The following ARHGAP5 variants were observed in gnomAD, a reference collection of about 807,000 sequenced individuals.
The protein encoded by ARHGAP5 is Rho GTPase activating protein 5, also known as rho GTPase-activating protein 5.
A neutral mutation model predicts 116.6 loss-of-function variants in ARHGAP5; 23 were observed. That is an observed-to-expected ratio of 0.20 (90% CI 0.14 to 0.28). The LOEUF (loss-of-function observed/expected upper bound fraction) is 0.28. Among genes scored for constraint, ARHGAP5 ranks in the 10% least tolerant of loss-of-function variants. The pLI, the probability that ARHGAP5 is intolerant of heterozygous loss-of-function variation, is 1.00. For synonymous variants in ARHGAP5, 574 were observed against 602.0 expected (o/e 0.95, Z 0.68); for missense variants, 1,405 against 1,774.8 (o/e 0.79, Z 3.74).
chr14:32,085,558 AGTT>A (rs1264009856), intron 1 of ARHGAP5, among the ~76,000 whole-genome samples: 3 of 152,162 alleles, frequency 2.0e-5, no homozygotes, highest in Non-Finnish European at 4.4e-5. Context: ...TTTAGTGTGC[AGTT>A]GTTTTTTTAT....
At chr14:32,106,536 A>G (rs1409202633) in intron 2 of ARHGAP5, among the ~76,000 whole-genome samples, 1 of 151,872 alleles carries the variant, frequency 6.6e-6, no homozygotes, top group East Asian at 1.9e-4. Flanking sequence ...TCCATTCACC[A>G]TTTTTTTCAA....
chr14:32,102,836 A>G (rs1383840021), intron 2 of ARHGAP5, among the ~76,000 whole-genome samples: 1 of 152,236 alleles, frequency 6.6e-6, no homozygotes, highest in Admixed American at 6.5e-5. Context: ...CATTTTATTC[A>G]ACAAGCATTT....
chr14:32,093,666 G>T lies in ARHGAP5; in HGVS notation c.2997G>T (p.Gln999His). ...ATAGTCCAATTGGGGATGATGTACA[G>T]TTGCTTCCAACACCTAGTGACCGTT... ...PPYSPIGDDV[Q>H]LLPTPSDRSR... The change falls in exon 2 of 7, where the codon CAG becomes CAT. Residue 999 changes from glutamine to histidine, a missense_variant. By Grantham distance (24) the Gln-to-His change is conservative. Coordinates refer to ENST00000345122, the MANE Select transcript of ARHGAP5 (RefSeq NM_001030055.2). 1 of 1,613,980 alleles carries T rather than the reference G, an allele frequency of 6.2e-7. No individual in the cohort carries two copies. Among genetic ancestry groups the T allele is most frequent in the Non-Finnish European group, 8.5e-7 (1 of 1,179,932 alleles).
At position 32,077,380 on chromosome 14, in the gene ARHGAP5, G is replaced by T. The variant is rs1158038313; in HGVS notation, c.-224G>T. On this transcript the variant is annotated 5_prime_UTR_variant, in exon 1 of 7. Transcript: ENST00000345122. ...GGTCCCCAGGAATGTCGCTGCCGCC[G>T]CCACCGCCGGGGCCGCTGCCGTTGA... The T allele has an allele frequency of 1.6e-6, 1 of 641,976 alleles. No homozygotes were observed. Among genetic ancestry groups the T allele is most frequent in the South Asian group, 1.5e-5 (1 of 66,760 alleles). The allele number at this position is 641,976 out of a possible 1,614,324, so 39.8% of individuals were successfully genotyped here.
At chr14:32,130,447 C>T (rs1880421431) in intron 3 of ARHGAP5, among the ~76,000 whole-genome samples, 1 of 151,372 alleles carries the variant, frequency 6.6e-6, no homozygotes, top group Admixed American at 6.6e-5. Context: ...GTCTGGAACT[C>T]CTGACCTCCA....
intron 3 of ARHGAP5, among the ~76,000 whole-genome samples, chr14:32,126,260 A>G (rs1880148788): frequency 6.6e-6 from 1 of 151,926 alleles, no homozygotes; most frequent in Admixed American, 6.6e-5. Context: ...ATGGAGTCTC[A>G]CAGTTCTGAA....
chr14:32,102,749 C>T (rs1878847687), intron 2 of ARHGAP5, among the ~76,000 whole-genome samples: 2 of 152,166 alleles, frequency 1.3e-5, no homozygotes, highest in South Asian at 2.1e-4. Flanking sequence ...TTGAAGTCAG[C>T]ATAAATGTAT....
intron 3 of ARHGAP5, among the ~76,000 whole-genome samples, chr14:32,139,588 T>C (rs1191637861): frequency 1.3e-5 from 2 of 152,058 alleles, no homozygotes; most frequent in East Asian, 3.8e-4. Flanking sequence ...AATTGGAGTC[T>C]TCTCTTTTTT....
chr14:32,089,890 G>A (rs2041867378), intron 1 of ARHGAP5, among the ~76,000 whole-genome samples: 1 of 151,822 alleles, frequency 6.6e-6, no homozygotes, highest in Non-Finnish European at 1.5e-5. Flanking sequence ...TTTGTATTAA[G>A]TGTTCACTTA....
At chr14:32,148,194 CTATCTATCTATCTATCTATG>C (rs1205525412) in intron 4 of ARHGAP5, among the ~76,000 whole-genome samples, 34 of 151,868 alleles carry the variant, frequency 2.2e-4, no homozygotes, top group African/African-American at 7.5e-4. Flanking sequence ...ATCTATCTAT[CTATCTATCTATCTATCTATG>C]TATATCTATC....
intron 3 of ARHGAP5, among the ~76,000 whole-genome samples, chr14:32,119,178 C>A (rs185539347): frequency 6.6e-6 from 1 of 151,932 alleles, no homozygotes; most frequent in Non-Finnish European, 1.5e-5. Context: ...TAATTGCCTA[C>A]GAGATTGTTT....
intron 3 of ARHGAP5, among the ~76,000 whole-genome samples, chr14:32,139,435 G>C (rs901812127): frequency 6.6e-6 from 1 of 151,728 alleles, no homozygotes; most frequent in African/African-American, 2.4e-5. Flanking sequence ...AATCAGTTTT[G>C]GTAGTTGGTA....
In ARHGAP5 at chr14:32,117,283, T is replaced by A; in HGVS notation, c.3861T>A (p.Asp1287Glu). ...FVEKCVEFIE[D>E]TGLCTEGLYR... Reference sequence around the variant, plus strand: ...AGAAATGTGTGGAATTTATTGAAGATACAGGTAGGATAGAAGAATCATTGC... The same window carrying A: ...AGAAATGTGTGGAATTTATTGAAGAAACAGGTAGGATAGAAGAATCATTGC... Residue 1287 changes from aspartate to glutamate, a missense_variant, in exon 3 of 7, where the codon GAT (aspartate) becomes GAA (glutamate). Physicochemically the swap from Asp to Glu is conservative, Grantham distance 45. Around this residue, in one of 6 missense-constraint regions of ARHGAP5, gnomAD observed 176 missense variants for 221.2 expected, o/e 0.80. Coordinates refer to ENST00000345122, the MANE Select transcript of ARHGAP5 (RefSeq NM_001030055.2). 6.2e-7 allele frequency: 1 copy of A among 1,600,046 alleles called. No individual in the cohort carries two copies. The highest frequency in any genetic ancestry group is 8.5e-7 in the Non-Finnish European group (1 of 1,172,100).
intron 3 of ARHGAP5, among the ~76,000 whole-genome samples, chr14:32,123,510 T>C (rs1879993777): frequency 6.6e-6 from 1 of 152,074 alleles, no homozygotes; most frequent in African/African-American, 2.4e-5. Context: ...ATTTTTGGTT[T>C]ACTAATTCTG....
At chr14:32,104,528 T>TTA (rs755389479) in intron 2 of ARHGAP5, among the ~76,000 whole-genome samples, 1 of 152,224 alleles carries the variant, frequency 6.6e-6, no homozygotes, top group Non-Finnish European at 1.5e-5. Flanking sequence ...CAGCCAGCAC[T>TTA]TACGGCTTTT....
At chr14:32,079,204 A>G (rs889451784) in intron 1 of ARHGAP5, among the ~76,000 whole-genome samples, 1 of 152,202 alleles carries the variant, frequency 6.6e-6, no homozygotes, top group African/African-American at 2.4e-5. Context: ...CAGATGATTA[A>G]ATAACTATTG....
rs1166675227 is a variant in ARHGAP5, at chr14:32,103,465, G to A, written c.3717+9079G>A. Among the ~76,000 whole-genome samples, 4 of 152,188 alleles carry A rather than the reference G, an allele frequency of 2.6e-5. No individual in the cohort carries two copies. The East Asian group carries it at 7.7e-4, about 29-fold the overall frequency. On this transcript the variant is annotated intron_variant, in intron 2 of 6. Coordinates refer to ENST00000345122, the MANE Select transcript of ARHGAP5 (RefSeq NM_001030055.2). The stretch of plus-strand genomic sequence containing the variant: ...ACTTTTTCTTAGTGTTTATAGCAGC[G>A]TACTGAATATTTTGTAAAAGCATAG...
chr14:32,099,618 T>G (rs1015419611), intron 2 of ARHGAP5, among the ~76,000 whole-genome samples: 2 of 152,170 alleles, frequency 1.3e-5, no homozygotes, highest in African/African-American at 2.4e-5. Context: ...ATAAATAGTA[T>G]TATAACGTAC....
chr14:32,090,313 G>A (rs1878178899), intron 1 of ARHGAP5, among the ~76,000 whole-genome samples, 189 bp from the exon 2 acceptor site: 1 of 151,794 alleles, frequency 6.6e-6, no homozygotes, highest in African/African-American at 2.4e-5. Context: ...TATTTTGTTA[G>A]GTTTGCCTTA....
Sources: allele counts gnomAD v4.1 joint callset (sites outside exome capture counted in the v4.1 genomes callset), GRCh38; gene constraint gnomAD v4.1.1; regional missense constraint gnomAD v4.1.1; transcripts MANE v1.5; gene names NCBI Gene and HGNC (gene_info 2026-07-23, HGNC 2026-07-21).